Variants in KAZN observed in about 807,000 individuals in gnomAD.
KAZN encodes the protein kazrin, periplakin interacting protein, also known as kazrin.
A neutral mutation model predicts 87.4 loss-of-function variants in KAZN; 40 were observed. The observed-to-expected ratio is 0.46, with a 90% CI of 0.36 to 0.60. The LOEUF (loss-of-function observed/expected upper bound fraction) is 0.60. Among genes scored for constraint, KAZN ranks in the 20% least tolerant of loss-of-function variants. The probability of loss-of-function intolerance (pLI) is 0.00; values close to 1 mark genes in which losing one functional copy is unlikely to be tolerated. For missense variants in KAZN, 898 were observed against 1,073.9 expected (o/e 0.84, Z 2.29); for synonymous variants, 466 against 458.3 (o/e 1.02, Z -0.22).
At chr1:14,268,471 T>A (rs1427820949) in intron 2 of KAZN, among the ~76,000 whole-genome samples, 2 of 140,640 alleles carry the variant, frequency 1.4e-5, no homozygotes, top group African/African-American at 5.3e-5. Context: ...GACACTGTGT[T>A]AAAAAAAAAA....
At chr1:14,230,602 TA>T (rs1161916951) in intron 2 of KAZN, among the ~76,000 whole-genome samples, 3 of 152,202 alleles carry the variant, frequency 2.0e-5, no homozygotes, top group Admixed American at 2.0e-4. Flanking sequence ...CACTACCTTC[TA>T]ACTAGAGATT....
chr1:14,728,484 T>C, intron 1 of KAZN, among the ~76,000 whole-genome samples: 1 of 152,078 alleles, frequency 6.6e-6, no homozygotes, highest in East Asian at 1.9e-4. Context: ...AATTAGTTAA[T>C]TGGATGAATG....
At chr1:14,932,676 A>T (rs1378954623) in intron 1 of KAZN, among the ~76,000 whole-genome samples, 1 of 151,868 alleles carries the variant, frequency 6.6e-6, no homozygotes, top group Non-Finnish European at 1.5e-5. Flanking sequence ...CACCGACAAG[A>T]TGTGTGTTTT....
intron 2 of KAZN, among the ~76,000 whole-genome samples, chr1:15,034,042 C>G (rs953373806): frequency 1.4e-4 from 21 of 152,144 alleles, no homozygotes; most frequent in African/African-American, 4.8e-4. Context: ...ACCTGACTTC[C>G]TGTTTAAATG....
chr1:14,919,397 G>A (rs1055725168), intron 1 of KAZN, among the ~76,000 whole-genome samples: 10 of 152,178 alleles, frequency 6.6e-5, no homozygotes, highest in African/African-American at 1.4e-4. Flanking sequence ...GGCTGGTCTC[G>A]AACGCCTGAC....
At chr1:14,233,696 C>T (rs934246474) in intron 2 of KAZN, among the ~76,000 whole-genome samples, 1 of 152,192 alleles carries the variant, frequency 6.6e-6, no homozygotes, top group Non-Finnish European at 1.5e-5. Flanking sequence ...GACACTGATG[C>T]AATGTACATA....
intron 1 of KAZN, among the ~76,000 whole-genome samples, chr1:14,801,254 A>T (rs114275198): frequency 6.6e-6 from 1 of 152,030 alleles, no homozygotes; most frequent in Non-Finnish European, 1.5e-5. Context: ...CCGCTCAGCA[A>T]GCTCCTCGGG....
intron 2 of KAZN, among the ~76,000 whole-genome samples, chr1:14,364,905 TTTG>T (rs1223562374): frequency 2.0e-5 from 3 of 152,102 alleles, no homozygotes; most frequent in Non-Finnish European, 4.4e-5. Context: ...GTTTTTTTGT[TTTG>T]TTTTGTTTGT....
intron 2 of KAZN, among the ~76,000 whole-genome samples, chr1:14,577,818 G>C (rs553285132): frequency 6.6e-6 from 1 of 152,166 alleles, no homozygotes; most frequent in Non-Finnish European, 1.5e-5. Flanking sequence ...AACCCTAGGA[G>C]AGGCAAGGCC....
chr1:14,071,103 G>T (rs1331578304), intron 1 of KAZN, among the ~76,000 whole-genome samples: 1 of 152,114 alleles, frequency 6.6e-6, no homozygotes, highest in Non-Finnish European at 1.5e-5. Flanking sequence ...CCCAGAGCTG[G>T]ATTGAAGCCC....
At chr1:14,841,941 G>C (rs1177288873) in intron 1 of KAZN, among the ~76,000 whole-genome samples, 1 of 152,130 alleles carries the variant, frequency 6.6e-6, no homozygotes, top group East Asian at 1.9e-4. Context: ...TCAGGCTTTT[G>C]TGCTGGCTGT....
intron 1 of KAZN, among the ~76,000 whole-genome samples, chr1:14,631,368 C>T (rs763286642): frequency 3.3e-5 from 5 of 152,206 alleles, no homozygotes; most frequent in Admixed American, 1.3e-4. Context: ...TACACCCATA[C>T]GGTCTTTTTC....
chr1:14,127,392 T>G, intron 1 of KAZN, among the ~76,000 whole-genome samples: 1 of 123,632 alleles, frequency 8.1e-6, no homozygotes. Flanking sequence ...CATACCCCTT[T>G]ACTGTTGTTT....
intron 4 of KAZN, among the ~76,000 whole-genome samples, chr1:15,049,108 CT>C (rs933973897): frequency 1.3e-5 from 2 of 152,002 alleles, no homozygotes; most frequent in African/African-American, 4.8e-5. Flanking sequence ...TGCCGGGAGG[CT>C]TTTGACGGGA....
chr1:14,318,375 C>A (rs1437625848), intron 2 of KAZN, among the ~76,000 whole-genome samples: 2 of 152,030 alleles, frequency 1.3e-5, no homozygotes, highest in Admixed American at 6.6e-5. Context: ...AATATTACTT[C>A]ATTTTCTTCT....
intron 1 of KAZN, among the ~76,000 whole-genome samples, chr1:14,010,835 G>A (rs1294540133): frequency 6.6e-6 from 1 of 152,210 alleles, no homozygotes; most frequent in Non-Finnish European, 1.5e-5. Flanking sequence ...GTTGGGTTAA[G>A]TGTCATGTGG....
chr1:13,962,009 A>G (rs952897542), intron 1 of KAZN, among the ~76,000 whole-genome samples: 2 of 152,118 alleles, frequency 1.3e-5, no homozygotes, highest in African/African-American at 4.8e-5. Context: ...GCTCCTATGC[A>G]TCCTTCTCAC....
At chr1:13,947,341 A>G (rs1337170313) in intron 1 of KAZN, among the ~76,000 whole-genome samples, 1 of 152,092 alleles carries the variant, frequency 6.6e-6, no homozygotes, top group Non-Finnish European at 1.5e-5. Flanking sequence ...AAGAGGCAAA[A>G]TCGTGAGTGG....
chr1:14,148,471 G>C (rs890789519), intron 1 of KAZN, among the ~76,000 whole-genome samples: 3 of 151,924 alleles, frequency 2.0e-5, no homozygotes, highest in South Asian at 2.1e-4. Flanking sequence ...CAATTTCTAA[G>C]AGTTTTCTCT....
Sources: gnomAD v4.1 joint callset for allele counts (sites outside exome capture counted in the v4.1 genomes callset) on GRCh38, gnomAD v4.1.1 for gene constraint, MANE v1.5 for transcripts, NCBI Gene and HGNC (gene_info 2026-07-23, HGNC 2026-07-21) for gene names.